The following MMP2 variants were observed in gnomAD, a reference collection of about 807,000 sequenced individuals.
MMP2 encodes the protein 72 kDa type IV collagenase.
Under a neutral mutation model 74.8 loss-of-function variants are expected in MMP2, and 39 were observed. That is an observed-to-expected ratio of 0.52 (90% CI 0.40 to 0.68). The LOEUF is 0.68. Ranked by LOEUF, MMP2 falls within the 30% of genes least tolerant of loss-of-function variation. The pLI is 0.00. For missense variants in MMP2, 803 were observed against 878.3 expected (o/e 0.91, Z 1.08); for synonymous variants, 367 against 339.8 (o/e 1.08, Z -0.88).
chr16:55,488,780 C>A, intron 6 of MMP2, 64 bp downstream of exon 6: 2 of 1,509,228 alleles, frequency 1.3e-6, no homozygotes, highest in African/African-American at 1.4e-5. Flanking sequence ...AAAAAAAACC[C>A]ATAAGACTCC....
chr16:55,492,812 G>A (rs1237717993), intron 8 of MMP2, among the ~76,000 whole-genome samples: 1 of 152,130 alleles, frequency 6.6e-6, no homozygotes, highest in Non-Finnish European at 1.5e-5. Flanking sequence ...CCTGACTCTT[G>A]TGGGCATAAG....
chr16:55,499,449 G>A (rs1234224624), intron 11 of MMP2, among the ~76,000 whole-genome samples: 1 of 152,162 alleles, frequency 6.6e-6, no homozygotes, highest in Non-Finnish European at 1.5e-5. Context: ...AGGAGCAGGT[G>A]CCCTGTGTCA....
intron 7 of MMP2, among the ~76,000 whole-genome samples, chr16:55,490,288 G>A (rs1286491347): frequency 6.6e-6 from 1 of 152,214 alleles, no homozygotes; most frequent in Admixed American, 6.5e-5. Flanking sequence ...AAAAGGAAGA[G>A]CCTCATGCTT....
intron 11 of MMP2, among the ~76,000 whole-genome samples, chr16:55,502,021 C>G (rs1310911029): frequency 1.3e-5 from 2 of 152,214 alleles, no homozygotes; most frequent in African/African-American, 4.8e-5. Context: ...GAAGAACATA[C>G]TAACCGATGC....
chr16:55,495,117 T>C (rs149689810), intron 9 of MMP2, among the ~76,000 whole-genome samples: 1 of 152,290 alleles, frequency 6.6e-6, no homozygotes, highest in Non-Finnish European at 1.5e-5. Context: ...CAATGAGAGA[T>C]GAGACTTAGA....
chr16:55,491,735 A>G (rs112701468), intron 7 of MMP2, 66 bp from the exon 8 acceptor site: 1 of 1,572,060 alleles, frequency 6.4e-7, no homozygotes, highest in Non-Finnish European at 8.8e-7. Flanking sequence ...TCACTGGGTC[A>G]GGTCTTGACT....
chr16:55,483,542 T>C (rs1473783767), intron 2 of MMP2, among the ~76,000 whole-genome samples: 2 of 151,868 alleles, frequency 1.3e-5, no homozygotes, highest in South Asian at 4.1e-4. Flanking sequence ...AGGAACGTGA[T>C]GATTGGTAGC....
rs919611472 is a variant in MMP2 at position 55,496,359 on chromosome 16, G to A, written c.1473-567G>A. 3.3e-5 allele frequency among the ~76,000 whole-genome samples: 5 copies of A among 152,266 alleles called. No individual in the cohort carries two copies. The East Asian group carries it at 7.7e-4, about 24-fold the overall frequency. Reference sequence around the variant, plus strand: ...GAGTTTTGTGAAGAAGGATGGTGGGGAAATAGATAATTAATGCTAGGTAGA... The same window carrying A: ...GAGTTTTGTGAAGAAGGATGGTGGGAAAATAGATAATTAATGCTAGGTAGA... On this transcript the variant is annotated intron_variant, in intron 9 of 12. Coordinates refer to ENST00000219070, the MANE Select transcript of MMP2 (RefSeq NM_004530.6).
intron 9 of MMP2, among the ~76,000 whole-genome samples, chr16:55,493,564 C>T (rs561538805): frequency 1.3e-5 from 2 of 152,296 alleles, no homozygotes; most frequent in Admixed American, 6.5e-5. Context: ...CTGTTGTTCT[C>T]ATGGGATTAG....
In MMP2 at chr16:55,491,936, A is replaced by G. The variant is rs1407570596; in HGVS notation, c.1316A>G (p.Lys439Arg). 13 of 1,470,728 alleles carry G rather than the reference A, an allele frequency of 8.8e-6. No individual in the cohort carries two copies. The African/African-American group carries it at 1.0e-4, about 12-fold the overall frequency. 91.1% of individuals were successfully genotyped at this position (1,470,728 alleles called of 1,614,324 possible). A position where few individuals can be genotyped will look rare whatever the true frequency, so the allele number is the denominator to read the frequency against. ...TTCCGTCTGTCCCAGGATGACATCA[A>G]GGGCATTCAGGAGCTCTATGGTAAA... ...KNFRLSQDDI[K>R]GIQELYGASP... Residue 439 changes from lysine (K) to arginine (R), a missense_variant, in exon 8 of 13, where the codon AAG (lysine) becomes AGG (arginine). Physicochemically the swap from Lys to Arg is conservative, Grantham distance 26. Transcript: ENST00000219070.
intron 11 of MMP2, among the ~76,000 whole-genome samples, chr16:55,502,463 T>A (rs1248673051): frequency 1.3e-5 from 2 of 152,226 alleles, no homozygotes; most frequent in African/African-American, 4.8e-5. Context: ...TTACAGCTGG[T>A]AAAACTGTAG....
rs243838 is a variant in MMP2, at chr16:55,496,860, T to G, written c.1473-66T>G. On this transcript the variant is annotated intron_variant, in intron 9 of 12. Coordinates refer to ENST00000219070, the MANE Select transcript of MMP2 (RefSeq NM_004530.6). ...GGATGTTTCTGGGTGGGTTTGGGGG[T>G]GTGTGTGGTTCGAGCTGCAGGGTGA... 0.84 allele frequency: 1,347,696 copies of G among 1,599,312 alleles called. 568,901 individuals carry two copies. The highest frequency in any genetic ancestry group is 0.89 in the South Asian group (80,720 of 90,494).
intron 11 of MMP2, among the ~76,000 whole-genome samples, chr16:55,500,521 A>ACACACACACACACACACACACACACG (rs1308502075): frequency 1.3e-4 from 19 of 151,834 alleles, no homozygotes; most frequent in African/African-American, 4.6e-4. Flanking sequence ...ACACACACAC[A>ACACACACACACACACACACACACACG]CACACACACA....
At chr16:55,489,089 C>T (rs1489668477) in intron 6 of MMP2, among the ~76,000 whole-genome samples, 1 of 152,182 alleles carries the variant, frequency 6.6e-6, no homozygotes, top group African/African-American at 2.4e-5. Flanking sequence ...TGTATCTCCA[C>T]CTTTTAGTCT....
chr16:55,495,702 AG>A (rs1962514587), intron 9 of MMP2, among the ~76,000 whole-genome samples: 1 of 151,888 alleles, frequency 6.6e-6, no homozygotes, highest in African/African-American at 2.4e-5. Context: ...AACTCAATCC[AG>A]CCTAAACAGT....
rs1567376578 is a variant in MMP2 at position 55,489,614 on chromosome 16, CTT to C, written c.1007-35_1007-34del. 4 of 1,612,026 alleles carry C rather than the reference CTT, an allele frequency of 2.5e-6. No individual in the cohort carries two copies. In the Admixed American group the frequency reaches 5.0e-5, roughly 20 times the overall value. On this transcript the variant is annotated intron_variant, in intron 6 of 12. Transcript: ENST00000219070. ...TGCTTCCTGGTGGTAGCCTCAGACT[CTT>C]TGCTGCGCCTTGACCCGTATCCCTA...
intron 3 of MMP2, among the ~76,000 whole-genome samples, chr16:55,484,772 T>A (rs1181706717): frequency 1.3e-5 from 2 of 152,122 alleles, no homozygotes; most frequent in Non-Finnish European, 2.9e-5. Context: ...TAAAGGTATG[T>A]GGTATAGACA....
rs1962043158 is a variant in MMP2 at position 55,479,569 on chromosome 16, G to A, written c.90G>A (p.Ala30=). Residue 30 remains alanine, a synonymous_variant, in exon 1 of 13, where the codon GCG becomes GCA. Transcript: ENST00000219070. ...GCCTGCTGAGCCACGCCGCCGCCGC[G>A]CCGTCGCCCATCATCAAGTTCCCCG... ...LGCLLSHAAA[A]PSPIIKFPGD... 6.2e-7 allele frequency: 1 copy of A among 1,613,352 alleles called. No individual in the cohort carries two copies. Among genetic ancestry groups the A allele is most frequent in the Non-Finnish European group, 8.5e-7 (1 of 1,179,958 alleles).
At chr16:55,491,149 C>A (rs1567377574) in intron 7 of MMP2, among the ~76,000 whole-genome samples, 1 of 151,588 alleles carries the variant, frequency 6.6e-6, no homozygotes. Context: ...ACTGCAACCT[C>A]TGCCTCCTGG....
Sources: gnomAD v4.1 joint callset for allele counts (sites outside exome capture counted in the v4.1 genomes callset) on GRCh38, gnomAD v4.1.1 for gene constraint, MANE v1.5 for transcripts, NCBI Gene and HGNC (gene_info 2026-07-23, HGNC 2026-07-21) for gene names.